Variants in P4HA2 observed in about 807,000 individuals in gnomAD.
The protein encoded by P4HA2 is prolyl 4-hydroxylase subunit alpha-2.
A neutral mutation model predicts 76.9 loss-of-function variants in P4HA2; 46 were observed. The ratio of observed to expected loss-of-function variants is 0.60; its 90% CI spans 0.47 to 0.76. P4HA2 has a LOEUF of 0.76. Ranked by LOEUF, P4HA2 falls within the 30% of genes least tolerant of loss-of-function variation. P4HA2 has a pLI of 0.00. For missense variants in P4HA2, 583 were observed against 669.4 expected, an observed-to-expected ratio of 0.87 and a Z score of 1.42; for synonymous variants, 243 against 254.0, an observed-to-expected ratio of 0.96 and a Z score of 0.41.
rs1749887895 is a variant in P4HA2, at chr5:132,191,282, G to T, written c.*1728C>A. ...AATCCCAGCACTTTGGGAGGCCGAG[G>T]CGGGCGGATCACGAGGTCAGGAGAT... is the stretch of plus-strand genomic sequence containing the variant. On this transcript the variant is annotated 3_prime_UTR_variant, in exon 15 of 15. Coordinates refer to ENST00000360568, the MANE Select transcript of P4HA2 (RefSeq NM_001017974.2). Among the ~76,000 whole-genome samples the T allele has an allele frequency of 6.6e-6, 1 of 152,130 alleles. No homozygotes were observed.
chr5:132,214,158 T>G (rs1753530125), intron 4 of P4HA2, 105 bp from the exon 5 acceptor site: 12 of 1,140,186 alleles, frequency 1.1e-5, no homozygotes, highest in Admixed American at 2.3e-5. Flanking sequence ...TAGTGAAATT[T>G]CCCCGCCCCC....
At chr5:132,195,588 T>A in intron 12 of P4HA2, 108 bp from the exon 13 acceptor site, 3 of 792,460 alleles carry the variant, frequency 3.8e-6, no homozygotes, top group South Asian at 2.9e-5. Context: ...TCAGCATGAG[T>A]GACACTACTT....
At chr5:132,221,057 G>A (rs1020176061) in intron 1 of P4HA2, among the ~76,000 whole-genome samples, 2 of 152,196 alleles carry the variant, frequency 1.3e-5, no homozygotes, top group Non-Finnish European at 2.9e-5. Context: ...TCTAATTAGA[G>A]TCAGATTGGG....
chr5:132,205,131 C>T (rs1036800032), intron 8 of P4HA2, among the ~76,000 whole-genome samples: 3 of 152,236 alleles, frequency 2.0e-5, no homozygotes, highest in African/African-American at 7.2e-5. Context: ...GTGGGGAAAG[C>T]AGAAAACCAG....
At chr5:132,208,569 G>T (rs1370384317) in intron 7 of P4HA2, among the ~76,000 whole-genome samples, 1 of 151,740 alleles carries the variant, frequency 6.6e-6, no homozygotes, top group African/African-American at 2.4e-5. Context: ...ATGGCAGAAA[G>T]TAATTCCTGA....
rs199724015 is a variant in P4HA2 at position 132,192,989 on chromosome 5, G to C, written c.*21C>G. 8 of 1,537,454 alleles carry C rather than the reference G, an allele frequency of 5.2e-6. No individual in the cohort carries two copies. The highest frequency in any genetic ancestry group is 1.7e-4 in the Middle Eastern group (1 of 5,940). On this transcript the variant is annotated 3_prime_UTR_variant, in exon 15 of 15. Coordinates refer to ENST00000360568, the MANE Select transcript of P4HA2 (RefSeq NM_001017974.2). ...TTGACATGGGCTGAAGGACCAGGAA[G>C]GGGAAGGACAGAAAAGGATGTCAGT...
intron 1 of P4HA2, among the ~76,000 whole-genome samples, chr5:132,219,888 A>G (rs1235453281): frequency 3.9e-5 from 6 of 152,158 alleles, no homozygotes; most frequent in African/African-American, 1.4e-4. Context: ...AGAGAAGGCC[A>G]ACCACAACTC....
chr5:132,199,621 C>T (rs886362763), intron 10 of P4HA2: 1 of 152,256 alleles, frequency 6.6e-6, no homozygotes, highest in Non-Finnish European at 1.5e-5. Context: ...CTTATCAGCA[C>T]AATGGGAAGT....
At chr5:132,215,884 G>A (rs78660127) in intron 4 of P4HA2, among the ~76,000 whole-genome samples, 4,988 of 141,938 alleles carry the variant, frequency 0.035, 197 homozygotes, top group East Asian at 0.083. Context: ...AAAAGGCAGC[G>A]GGCATGGTGG....
At position 132,191,505 on chromosome 5, in the gene P4HA2, C is replaced by G. The variant is rs1749916007; in HGVS notation, c.*1505G>C. 7.2e-6 allele frequency among the ~76,000 whole-genome samples: 1 copy of G among 139,608 alleles called. No individual in the cohort carries two copies. Among genetic ancestry groups the G allele is most frequent in the Non-Finnish European group, 1.5e-5 (1 of 65,652 alleles). 91.6% of individuals were successfully genotyped at this position (139,608 alleles called of 152,430 possible). On this transcript the variant is annotated 3_prime_UTR_variant, in exon 15 of 15. Transcript: ENST00000360568. ...CCAGCCTGGGCGACAGAGCGAGACT[C>G]CGTCTCAAAAAAAAAAAAAAAAAAA...
At chr5:132,221,224 C>A (rs566333388) in intron 1 of P4HA2, among the ~76,000 whole-genome samples, 2 of 152,306 alleles carry the variant, frequency 1.3e-5, no homozygotes, top group Non-Finnish European at 2.9e-5. Context: ...CTGCTAAAAG[C>A]CCTCCCAGAA....
intron 10 of P4HA2, chr5:132,202,393 A>G (rs984135170): frequency 6.6e-6 from 1 of 152,230 alleles, no homozygotes; most frequent in African/African-American, 2.4e-5. Flanking sequence ...TGTCCAAGCA[A>G]AAGTTCAAAA....
chr5:132,203,542 C>T (rs1285745347), intron 10 of P4HA2: 1 of 570,808 alleles, frequency 1.8e-6, no homozygotes, highest in East Asian at 2.9e-5. Flanking sequence ...ACAGCAGATG[C>T]TCAATAGATA....
At chr5:132,210,152 A>G in intron 6 of P4HA2, 132 bp downstream of exon 6, 1 of 987,222 alleles carries the variant, frequency 1.0e-6, no homozygotes, top group Non-Finnish European at 1.6e-6. Flanking sequence ...AAAGTCAGTA[A>G]GGCATTAGTC....
At chr5:132,225,098 G>GTA (rs962311708) in intron 1 of P4HA2, among the ~76,000 whole-genome samples, 4 of 147,870 alleles carry the variant, frequency 2.7e-5, no homozygotes, top group Non-Finnish European at 5.9e-5. Context: ...TTCCATGTCC[G>GTA]TAACACAAAG....
At position 132,206,021 on chromosome 5, in the gene P4HA2, G is replaced by T. The variant is rs1287077451; in HGVS notation, c.1080+1687C>A. 2.6e-5 allele frequency among the ~76,000 whole-genome samples: 4 copies of T among 152,150 alleles called. 1 individual carries two copies. The highest frequency in any genetic ancestry group is 5.9e-5 in the Non-Finnish European group (4 of 68,030). On this transcript the variant is annotated intron_variant, in intron 8 of 14. Coordinates refer to ENST00000360568, the MANE Select transcript of P4HA2 (RefSeq NM_001017974.2). Reference sequence around the variant, plus strand: ...TAGCATCTGTCCCTCACAGTCTCCGGAAAGGAGGGGTCAGCTTATCTTTGA... The same window carrying T: ...TAGCATCTGTCCCTCACAGTCTCCGTAAAGGAGGGGTCAGCTTATCTTTGA...
intron 8 of P4HA2, among the ~76,000 whole-genome samples, chr5:132,206,621 A>G (rs912958767): frequency 6.6e-6 from 1 of 152,206 alleles, no homozygotes; most frequent in African/African-American, 2.4e-5. Flanking sequence ...CAAATCTTTT[A>G]TGAACTAGAA....
At chr5:132,226,929 C>G (rs202230949) in intron 1 of P4HA2, 4 of 152,700 alleles carry the variant, frequency 2.6e-5, no homozygotes, top group Admixed American at 2.6e-4. Context: ...TGCTCCCACT[C>G]ACATAGGCTG....
At chr5:132,220,357 A>G (rs1754498643) in intron 1 of P4HA2, among the ~76,000 whole-genome samples, 1 of 152,220 alleles carries the variant, frequency 6.6e-6, no homozygotes, top group Non-Finnish European at 1.5e-5. Context: ...GTATGTATGT[A>G]GGGAGGGGAC....
Sources: gnomAD v4.1 joint callset for allele counts (sites outside exome capture counted in the v4.1 genomes callset) on GRCh38, gnomAD v4.1.1 for gene constraint, MANE v1.5 for transcripts, NCBI Gene and HGNC (gene_info 2026-07-23, HGNC 2026-07-21) for gene names.